The following FAXC variants were observed in gnomAD, a reference collection of about 807,000 sequenced individuals.
FAXC encodes failed axon connections homolog.
In FAXC, 10 loss-of-function variants were observed where a neutral mutation model predicts 41.9. That is an observed-to-expected ratio of 0.24 (90% CI 0.15 to 0.41). The LOEUF (loss-of-function observed/expected upper bound fraction) is 0.41, where lower values mean the gene tolerates loss of function less well. Among genes scored for constraint, FAXC ranks in the 10% least tolerant of loss-of-function variants. The pLI, the probability that FAXC is intolerant of heterozygous loss-of-function variation, is 1.00. For synonymous variants in FAXC, 183 were observed against 183.8 expected (o/e 1.00, Z 0.03); for missense variants, 399 against 510.9 (o/e 0.78, Z 2.11).
intron 4 of FAXC, among the ~76,000 whole-genome samples, chr6:99,309,287 C>T (rs1352599350): frequency 6.6e-6 from 1 of 151,736 alleles, no homozygotes; most frequent in Non-Finnish European, 1.5e-5. Flanking sequence ...TCGCTTTTCT[C>T]AGAGGAAGAA....
intron 3 of FAXC, among the ~76,000 whole-genome samples, chr6:99,330,645 T>C (rs561392474): frequency 1.3e-5 from 2 of 152,326 alleles, no homozygotes; most frequent in South Asian, 4.1e-4. Context: ...CATAAACATA[T>C]GAAAACTCCA....
At position 99,349,419 on chromosome 6, in the gene FAXC, G is replaced by T; in HGVS notation, c.-47C>A. ...GCCCCTCCCAGGGCCCGCGCCGCCC[G>T]CATGGGAAGGGGCCGGCGCGGCCCG... On this transcript the variant is annotated 5_prime_UTR_variant, in exon 1 of 6. Coordinates refer to ENST00000389677, the MANE Select transcript of FAXC (RefSeq NM_032511.4). The T allele has an allele frequency of 6.8e-7, 1 of 1,476,654 alleles. No homozygotes were observed. The allele number at this position is 1,476,654 out of a possible 1,614,324, so 91.5% of individuals were successfully genotyped here.
At chr6:99,341,446 G>T (rs901939914) in intron 2 of FAXC, among the ~76,000 whole-genome samples, 1 of 152,012 alleles carries the variant, frequency 6.6e-6, no homozygotes, top group African/African-American at 2.4e-5. Context: ...CCAAAAGAAG[G>T]CTGGAGAATC....
intron 4 of FAXC, among the ~76,000 whole-genome samples, chr6:99,315,248 A>C (rs867077346): frequency 3.0e-5 from 4 of 134,954 alleles, no homozygotes; most frequent in South Asian, 5.4e-4. Flanking sequence ...AAAAAAAAAA[A>C]AAAAAAAAAA....
intron 4 of FAXC, among the ~76,000 whole-genome samples, chr6:99,314,154 C>T (rs1403354265): frequency 6.6e-6 from 1 of 152,030 alleles, no homozygotes; most frequent in African/African-American, 2.4e-5. Flanking sequence ...GACACGTGCC[C>T]CCACACCCAG....
intron 5 of FAXC, among the ~76,000 whole-genome samples, chr6:99,288,859 T>TACACATACACACACACACACACACAC (rs1771122287): frequency 1.0e-4 from 15 of 145,736 alleles, no homozygotes; most frequent in African/African-American, 3.4e-4. Context: ...CACACACACA[T>TACACATACACACACACACACACACAC]ACACACACAC....
intron 4 of FAXC, among the ~76,000 whole-genome samples, chr6:99,318,306 C>A (rs187482694): frequency 0.14 from 19,416 of 135,022 alleles, 1,928 homozygotes; most frequent in Middle Eastern, 0.24. Context: ...CACACACACA[C>A]AAAATAGAAG....
At chr6:99,295,924 T>C (rs1414516017) in intron 4 of FAXC, among the ~76,000 whole-genome samples, 1 of 152,228 alleles carries the variant, frequency 6.6e-6, no homozygotes. Context: ...GTGGATGTTA[T>C]CTGAAGCAAA....
At chr6:99,283,974 G>C (rs1395092329) in intron 5 of FAXC, 1 of 152,132 alleles carries the variant, frequency 6.6e-6, no homozygotes, top group Non-Finnish European at 1.5e-5. Context: ...CCTTTCTCCA[G>C]AAGAGGTGTC....
intron 4 of FAXC, among the ~76,000 whole-genome samples, chr6:99,312,133 GT>G (rs1772177533): frequency 6.6e-6 from 1 of 152,180 alleles, no homozygotes; most frequent in South Asian, 2.1e-4. Flanking sequence ...TGCCTCATGT[GT>G]TCCAGGCACT....
chr6:99,289,042 G>C (rs1304718362), intron 5 of FAXC, among the ~76,000 whole-genome samples: 1 of 151,924 alleles, frequency 6.6e-6, no homozygotes. Context: ...TCCATCCATT[G>C]ACCCATCCAG....
intron 4 of FAXC, among the ~76,000 whole-genome samples, chr6:99,306,528 G>T (rs1455846665): frequency 6.6e-6 from 1 of 152,138 alleles, no homozygotes; most frequent in Admixed American, 6.6e-5. Context: ...AAAGGAGAGT[G>T]ATTACATGTG....
intron 1 of FAXC, among the ~76,000 whole-genome samples, chr6:99,345,847 A>AT: frequency 6.6e-6 from 1 of 152,234 alleles, no homozygotes; most frequent in Non-Finnish European, 1.5e-5. Context: ...CTGCCAAGCT[A>AT]TCTCCACTCA....
chr6:99,300,890 CT>C (rs1185166573), intron 4 of FAXC, among the ~76,000 whole-genome samples: 1 of 152,240 alleles, frequency 6.6e-6, no homozygotes, highest in Non-Finnish European at 1.5e-5. Context: ...ACTCGCCCAT[CT>C]TTTGAGAAAG....
intron 4 of FAXC, among the ~76,000 whole-genome samples, chr6:99,310,792 T>G (rs9389234): frequency 6.6e-6 from 1 of 152,146 alleles, no homozygotes; most frequent in Non-Finnish European, 1.5e-5. Context: ...CCTTTTCCAC[T>G]GCCTGGTTCT....
chr6:99,302,006 G>C (rs560448215), intron 4 of FAXC, among the ~76,000 whole-genome samples: 1 of 152,340 alleles, frequency 6.6e-6, no homozygotes, highest in South Asian at 2.1e-4. Context: ...CAAGAAACCA[G>C]ATAGCCTTAG....
chr6:99,319,359 A>G (rs561692397), intron 4 of FAXC, among the ~76,000 whole-genome samples: 1 of 146,880 alleles, frequency 6.8e-6, no homozygotes, highest in Admixed American at 7.1e-5. Context: ...AGATTGCACC[A>G]CTGCACTCTA....
At chr6:99,328,986 G>A (rs1772929385) in intron 3 of FAXC, among the ~76,000 whole-genome samples, 2 of 152,220 alleles carry the variant, frequency 1.3e-5, no homozygotes, top group African/African-American at 4.8e-5. Flanking sequence ...AATGGGAAAA[G>A]AGAACAAAGA....
intron 3 of FAXC, among the ~76,000 whole-genome samples, chr6:99,326,316 A>G (rs1316455282): frequency 2.0e-5 from 3 of 152,254 alleles, no homozygotes; most frequent in Non-Finnish European, 4.4e-5. Context: ...GAAGGAATCC[A>G]TAGGAGAAAC....
Sources: gnomAD v4.1 joint callset for allele counts (sites outside exome capture counted in the v4.1 genomes callset) on GRCh38, gnomAD v4.1.1 for gene constraint, MANE v1.5 for transcripts, NCBI Gene and HGNC (gene_info 2026-07-23, HGNC 2026-07-21) for gene names.